Variants in ABCC9 observed in about 807,000 individuals in gnomAD.
The protein encoded by ABCC9 is ATP-binding cassette sub-family C member 9.
A neutral mutation model predicts 188.3 loss-of-function variants in ABCC9; 95 were observed. That is an observed-to-expected ratio of 0.50 (90% CI 0.43 to 0.60). The LOEUF (loss-of-function observed/expected upper bound fraction) is 0.60, where lower values mean the gene tolerates loss of function less well. Ranked by LOEUF, ABCC9 falls within the 20% of genes least tolerant of loss-of-function variation. The pLI, the probability that ABCC9 is intolerant of heterozygous loss-of-function variation, is 0.00. For synonymous variants in ABCC9, 659 were observed against 652.7 expected (o/e 1.01, Z -0.15); for missense variants, 1,102 against 1,876.3 (o/e 0.59, Z 7.62).
chr12:21,894,159 C>T lies in ABCC9; in HGVS notation c.1675G>A (p.Ala559Thr). ...TTCAGATTGTTTCCACTGGCATACG[C>T]ATGGGTCACAAATGTCTGTGCAAAG... ...AAVLATFVTHAYASGNNLKPA... is the reference protein window; with the variant it reads ...AAVLATFVTHTYASGNNLKPA... Residue 559 changes from alanine to threonine, a missense_variant, in exon 14 of 40, where the codon GCG (alanine) becomes ACG (threonine). Physicochemically the swap from Ala to Thr is moderately conservative, Grantham distance 58. Transcript: ENST00000261200. 1 of 1,613,992 alleles carries T rather than the reference C, an allele frequency of 6.2e-7. No homozygotes were observed. The highest frequency in any genetic ancestry group is 8.5e-7 in the Non-Finnish European group (1 of 1,179,968).
At chr12:21,818,463 T>C (rs1169501217) in intron 31 of ABCC9, among the ~76,000 whole-genome samples, 1 of 102,720 alleles carries the variant, frequency 9.7e-6, no homozygotes, top group African/African-American at 3.3e-5. Context: ...ACTATATATA[T>C]CTATATCTAT....
At chr12:21,825,530 A>G (rs1014680394) in intron 31 of ABCC9, among the ~76,000 whole-genome samples, 11 of 152,088 alleles carry the variant, frequency 7.2e-5, no homozygotes, top group African/African-American at 2.4e-4. Context: ...ATCCTCAGCA[A>G]ACTAACACAG....
intron 31 of ABCC9, among the ~76,000 whole-genome samples, chr12:21,826,123 T>G (rs1024781844): frequency 1.3e-5 from 2 of 152,200 alleles, no homozygotes; most frequent in Non-Finnish European, 2.9e-5. Flanking sequence ...GTTGCATTCC[T>G]GCTCTGGGAA....
intron 36 of ABCC9, among the ~76,000 whole-genome samples, chr12:21,811,212 T>C (rs926230594): frequency 1.3e-5 from 2 of 152,148 alleles, no homozygotes; most frequent in East Asian, 3.9e-4. Context: ...CATGAGAAGA[T>C]GTGCCTTGCT....
At chr12:21,827,462 T>C (rs1943445842) in intron 31 of ABCC9, 1 of 225,422 alleles carries the variant, frequency 4.4e-6, no homozygotes, top group Non-Finnish European at 7.4e-6. Context: ...TTTCGGGACA[T>C]TCTTTCAGTA....
rs772458579 is a variant in ABCC9, at chr12:21,800,987, A to G, written c.*57T>C. ...TTTACAGAGGTCAAGCTGATGATCC[A>G]TTAATTAGGTTATGACTGCATTATT... is the stretch of plus-strand genomic sequence containing the variant. On this transcript the variant is annotated 3_prime_UTR_variant, in exon 40 of 40. Transcript: ENST00000261200. 12 of 1,603,878 alleles carry G rather than the reference A, an allele frequency of 7.5e-6. No homozygotes were observed. The highest frequency in any genetic ancestry group is 1.3e-5 in the African/African-American group (1 of 74,820).
intron 21 of ABCC9, 108 bp downstream of exon 21, chr12:21,860,863 A>G (rs1254033741): frequency 1.6e-5 from 14 of 900,170 alleles, no homozygotes; most frequent in Middle Eastern, 3.2e-4. Flanking sequence ...GGGACAACAT[A>G]CAACTCCTAA....
intron 12 of ABCC9, among the ~76,000 whole-genome samples, chr12:21,902,001 A>T (rs1474943711): frequency 6.6e-6 from 1 of 152,034 alleles, no homozygotes; most frequent in East Asian, 1.9e-4. Context: ...CAGAATATAC[A>T]TCCTTCTGAG....
In ABCC9 at chr12:21,841,347, C is replaced by CTTTTT. The variant is rs1174314931; in HGVS notation, c.3473+962_3473+966dup. 7.1e-4 allele frequency among the ~76,000 whole-genome samples: 14 copies of CTTTTT among 19,604 alleles called. 2 individuals are homozygous for CTTTTT. Among genetic ancestry groups the CTTTTT allele is most frequent in the African/African-American group, 1.8e-3 (7 of 3,810 alleles). 12.9% of individuals were successfully genotyped at this position (19,604 alleles called of 152,430 possible). On this transcript the variant is annotated intron_variant, in intron 29 of 39. Coordinates refer to ENST00000261200, the MANE Select transcript of ABCC9 (RefSeq NM_020297.4). Reference sequence around the variant, plus strand: ...TCTTTGGGATTATGTTTCTGGTTTCCTTTTTTTTTTTTTTTTTTTTTTTTT... The same window carrying CTTTTT: ...TCTTTGGGATTATGTTTCTGGTTTCCTTTTTTTTTTTTTTTTTTTTTTTTTTTTTT...
intron 37 of ABCC9, among the ~76,000 whole-genome samples, chr12:21,809,622 T>C (rs887388248): frequency 3.9e-5 from 6 of 152,156 alleles, no homozygotes; most frequent in Non-Finnish European, 8.8e-5. Context: ...AATGTATTAA[T>C]TGGAATATTT....
intron 12 of ABCC9, among the ~76,000 whole-genome samples, chr12:21,903,048 A>C (rs181777476): frequency 3.6e-4 from 55 of 152,328 alleles, no homozygotes; most frequent in African/African-American, 1.3e-3. Flanking sequence ...CCTCAATAAA[A>C]TACTGGTAAA....
chr12:21,860,052 C>G (rs1275557802), intron 21 of ABCC9, among the ~76,000 whole-genome samples: 1 of 151,350 alleles, frequency 6.6e-6, no homozygotes, highest in Non-Finnish European at 1.5e-5. Context: ...AGAGTACTAT[C>G]CAAGAGTATG....
chr12:21,901,983 C>A (rs1389203204), intron 12 of ABCC9, among the ~76,000 whole-genome samples: 3 of 152,194 alleles, frequency 2.0e-5, no homozygotes, highest in African/African-American at 7.2e-5. Flanking sequence ...CTCTCCACCC[C>A]AAATCAACAG....
intron 30 of ABCC9, among the ~76,000 whole-genome samples, chr12:21,836,843 A>G (rs1424063380): frequency 6.6e-6 from 1 of 152,072 alleles, no homozygotes; most frequent in African/African-American, 2.4e-5. Flanking sequence ...CTTGTAAACA[A>G]ATAAAAAAGA....
chr12:21,810,957 A>G (rs1942193069), intron 36 of ABCC9, among the ~76,000 whole-genome samples: 1 of 152,136 alleles, frequency 6.6e-6, no homozygotes, highest in Non-Finnish European at 1.5e-5. Flanking sequence ...AAAATAGAAC[A>G]AAATATGGTC....
intron 31 of ABCC9, among the ~76,000 whole-genome samples, chr12:21,822,827 G>T (rs1217602506): frequency 1.3e-5 from 2 of 149,482 alleles, no homozygotes; most frequent in Non-Finnish European, 3.0e-5. Context: ...TTAGGTCTCC[G>T]ATGTTCACTT....
At chr12:21,811,050 C>G (rs529115363) in intron 36 of ABCC9, among the ~76,000 whole-genome samples, 1 of 152,048 alleles carries the variant, frequency 6.6e-6, no homozygotes, top group South Asian at 2.1e-4. Flanking sequence ...AATTGTAATC[C>G]TCACGTGTCC....
rs138929535 is a variant in ABCC9 at position 21,931,942 on chromosome 12, T to G, written c.284+1840A>C. 2.2e-4 allele frequency among the ~76,000 whole-genome samples: 34 copies of G among 152,230 alleles called. No individual in the cohort carries two copies. The East Asian group carries it at 5.8e-3, about 26-fold the overall frequency. On this transcript the variant is annotated intron_variant, in intron 4 of 39. Coordinates refer to ENST00000261200, the MANE Select transcript of ABCC9 (RefSeq NM_020297.4). ...CCTGCGAAAAGCCCTCATAAAACATTACAAAATAGTTGGTTCCATGACAAA... is the reference window on the plus strand; with the variant it reads ...CCTGCGAAAAGCCCTCATAAAACATGACAAAATAGTTGGTTCCATGACAAA...
intron 35 of ABCC9, 32 bp from the exon 36 acceptor site, chr12:21,812,189 T>C (rs770506098): frequency 7.4e-7 from 1 of 1,352,718 alleles, no homozygotes; most frequent in Non-Finnish European, 1.1e-6. Context: ...TACACACACA[T>C]AGTAAAATCA....
Sources: gnomAD v4.1 joint callset for allele counts (sites outside exome capture counted in the v4.1 genomes callset) on GRCh38, gnomAD v4.1.1 for gene constraint, MANE v1.5 for transcripts, NCBI Gene and HGNC (gene_info 2026-07-23, HGNC 2026-07-21) for gene names.